The following CNTN4 variants were observed in gnomAD, a reference collection of about 807,000 sequenced individuals.
CNTN4 encodes contactin-4.
Under a neutral mutation model 122.5 loss-of-function variants are expected in CNTN4, and 77 were observed. That is an observed-to-expected ratio of 0.63 (90% CI 0.52 to 0.76). CNTN4 has a LOEUF of 0.76. Ranked by LOEUF, CNTN4 falls within the 30% of genes least tolerant of loss-of-function variation. The pLI is 0.00. For missense variants in CNTN4, 1,256 were observed against 1,259.1 expected (o/e 1.00, Z 0.04); for synonymous variants, 512 against 447.0 (o/e 1.15, Z -1.83).
At chr3:2,456,599 G>T (rs79430703) in intron 3 of CNTN4, among the ~76,000 whole-genome samples, 1 of 151,848 alleles carries the variant, frequency 6.6e-6, no homozygotes, top group Admixed American at 6.6e-5. Flanking sequence ...TGGATATTTC[G>T]TATAAATAGA....
chr3:2,580,926 G>T (rs995908823), intron 4 of CNTN4, among the ~76,000 whole-genome samples: 1 of 152,156 alleles, frequency 6.6e-6, no homozygotes, highest in Non-Finnish European at 1.5e-5. Flanking sequence ...TTTAAATTTA[G>T]GTCTGCCCAG....
At chr3:2,819,129 A>T (rs1484855891) in intron 6 of CNTN4, among the ~76,000 whole-genome samples, 2 of 152,198 alleles carry the variant, frequency 1.3e-5, no homozygotes, top group Non-Finnish European at 2.9e-5. Flanking sequence ...TCCTGGCATG[A>T]TGGAAGTCTT....
chr3:2,216,716 T>C (rs2038856487), intron 2 of CNTN4, among the ~76,000 whole-genome samples: 1 of 152,162 alleles, frequency 6.6e-6, no homozygotes, highest in Non-Finnish European at 1.5e-5. Flanking sequence ...TAAACTATTT[T>C]TAAACCTAAA....
At chr3:2,151,923 C>T (rs142856032) in intron 2 of CNTN4, among the ~76,000 whole-genome samples, 56 of 152,184 alleles carry the variant, frequency 3.7e-4, no homozygotes, top group Middle Eastern at 3.4e-3. Flanking sequence ...TATGAATTAC[C>T]CAGTTTCAGT....
Position 2,841,584 on chromosome 3 carries a change from G to C in CNTN4, c.454+22003G>C, listed in dbSNP as rs553052183. Among the ~76,000 whole-genome samples, 1 of 152,110 alleles carries C rather than the reference G, an allele frequency of 6.6e-6. No homozygotes were observed. The highest frequency in any genetic ancestry group is 1.5e-5 in the Non-Finnish European group (1 of 68,020). On this transcript the variant is annotated intron_variant, in intron 7 of 24. Coordinates refer to ENST00000418658, the MANE Select transcript of CNTN4 (RefSeq NM_175607.3). This position sits in a 1 kb window ranked among gnomAD's most constrained non-coding sequence, Gnocchi z 4.8. ...ACCCTCAAACTATATTTGGCCATTG[G>C]CTTCGGGATTTGGTTATTTCCTCAA...
At chr3:3,046,229 C>G (rs1452191678) in intron 23 of CNTN4, among the ~76,000 whole-genome samples, 1 of 152,142 alleles carries the variant, frequency 6.6e-6, no homozygotes, top group South Asian at 2.1e-4. Context: ...GGAGAACTTC[C>G]CCAGCCTAGC....
In CNTN4 at chr3:2,898,529, C is replaced by G. The variant is rs76191880; in HGVS notation, c.941-2156C>G. ...TTTTCAAAATTCTCTCCAGTCCCTC[C>G]CTTCTCTGCCTCACCTGCTTCTTGA... is the stretch of plus-strand genomic sequence containing the variant. On this transcript the variant is annotated intron_variant, in intron 10 of 24. Transcript: ENST00000418658. Among the ~76,000 whole-genome samples, 283 of 152,256 alleles carry G rather than the reference C, an allele frequency of 1.9e-3. 8 individuals are homozygous for G. In the East Asian group the frequency reaches 0.05, roughly 27 times the overall value.
intron 7 of CNTN4, among the ~76,000 whole-genome samples, chr3:2,833,292 A>G (rs976106591): frequency 1.3e-5 from 2 of 152,238 alleles, no homozygotes; most frequent in African/African-American, 4.8e-5. Flanking sequence ...AAAATCTGCA[A>G]TGCAGACTCA....
intron 13 of CNTN4, among the ~76,000 whole-genome samples, chr3:2,942,671 C>T (rs908705935): frequency 7.9e-5 from 12 of 152,102 alleles, no homozygotes; most frequent in Non-Finnish European, 1.5e-4. Flanking sequence ...TTTCCCAACA[C>T]GAGTTCTTGA....
intron 5 of CNTN4, among the ~76,000 whole-genome samples, chr3:2,741,395 A>G (rs569966129): frequency 3.9e-5 from 6 of 152,248 alleles, no homozygotes; most frequent in African/African-American, 1.4e-4. Flanking sequence ...TGGATAAGGA[A>G]AAGAAGTGCA....
chr3:2,445,565 T>C (rs1007256165), intron 3 of CNTN4, among the ~76,000 whole-genome samples: 1 of 152,168 alleles, frequency 6.6e-6, no homozygotes, highest in Non-Finnish European at 1.5e-5. Flanking sequence ...TTCTTATAAT[T>C]CTCTTTGCTT....
chr3:2,911,612 C>G (rs1379081055), intron 12 of CNTN4, among the ~76,000 whole-genome samples: 1 of 151,926 alleles, frequency 6.6e-6, no homozygotes, highest in East Asian at 1.9e-4. Context: ...ATATCAATTA[C>G]CAAAGAATTC....
chr3:2,442,834 G>A lies in CNTN4; in HGVS notation c.-89+103601G>A, dbSNP rs541823089. Among the ~76,000 whole-genome samples, 6 of 152,210 alleles carry A rather than the reference G, an allele frequency of 3.9e-5. No homozygotes were observed. In the East Asian group the frequency reaches 5.8e-4, roughly 15 times the overall value. On this transcript the variant is annotated intron_variant, in intron 3 of 24. Transcript: ENST00000418658. ...CATTTTTGAAATGGTTAATGAGAGT[G>A]CATCTGTTTCTTTATTCCAAGTTTA...
chr3:2,652,781 G>A (rs147695124), intron 4 of CNTN4, among the ~76,000 whole-genome samples: 230 of 151,862 alleles, frequency 1.5e-3, no homozygotes, highest in African/African-American at 5.4e-3. Flanking sequence ...ATTCTCCATC[G>A]TAGACGTGTG....
chr3:2,760,145 G>A (rs1472402974), intron 6 of CNTN4, among the ~76,000 whole-genome samples: 1 of 151,958 alleles, frequency 6.6e-6, no homozygotes, highest in Non-Finnish European at 1.5e-5. Context: ...TCATTTTCTT[G>A]ATGGTGTCCT....
chr3:2,985,455 A>C (rs761811253), intron 13 of CNTN4: 3 of 152,626 alleles, frequency 2.0e-5, no homozygotes, highest in Non-Finnish European at 4.4e-5. Context: ...ATTTCAGTAG[A>C]CTTTGAAAAA....
rs776095004 is a variant in CNTN4 at position 2,572,834 on chromosome 3, C to T, written c.55+1276C>T. Among the ~76,000 whole-genome samples, 58 of 152,118 alleles carry T rather than the reference C, an allele frequency of 3.8e-4. 1 individual carries two copies. Among genetic ancestry groups the T allele is most frequent in the Admixed American group, 3.3e-3 (50 of 15,274 alleles). ...AACTGAGTGCTGTAACTTCTGACAACTTGTTGTAGTAGATTATTTGCAATT... is the reference window on the plus strand; with the variant it reads ...AACTGAGTGCTGTAACTTCTGACAATTTGTTGTAGTAGATTATTTGCAATT... On this transcript the variant is annotated intron_variant, in intron 4 of 24. Transcript: ENST00000418658.
intron 4 of CNTN4, among the ~76,000 whole-genome samples, chr3:2,673,344 C>T (rs1356065526): frequency 6.6e-6 from 1 of 152,174 alleles, no homozygotes; most frequent in Non-Finnish European, 1.5e-5. Flanking sequence ...CTAGATCGCT[C>T]TTGCAGAGAC....
At chr3:2,963,482 C>A (rs10451987) in intron 13 of CNTN4, among the ~76,000 whole-genome samples, 1 of 152,080 alleles carries the variant, frequency 6.6e-6, no homozygotes, top group Non-Finnish European at 1.5e-5. Flanking sequence ...TCCACTCACC[C>A]ATCCCACTGG....
Sources: gnomAD v4.1 joint callset for allele counts (sites outside exome capture counted in the v4.1 genomes callset) on GRCh38, gnomAD v4.1.1 for gene constraint, Gnocchi (gnomAD v3.1) non-coding constraint, MANE v1.5 for transcripts, NCBI Gene and HGNC (gene_info 2026-07-23, HGNC 2026-07-21) for gene names.